RRP1B: variants seen among roughly 807,000 people sequenced by gnomAD.
RRP1B encodes the protein ribosomal RNA processing 1B.
A neutral mutation model predicts 80.2 loss-of-function variants in RRP1B; 56 were observed. That is an observed-to-expected ratio of 0.70 (90% CI 0.56 to 0.87). The LOEUF is 0.87. RRP1B is among the 40% of genes least tolerant of loss of function. The pLI, the probability that RRP1B is intolerant of heterozygous loss-of-function variation, is 0.00. For synonymous variants in RRP1B, 351 were observed against 357.6 expected, an observed-to-expected ratio of 0.98 and a Z score of 0.21; for missense variants, 807 against 939.8, an observed-to-expected ratio of 0.86 and a Z score of 1.85.
intron 1 of RRP1B, among the ~76,000 whole-genome samples, chr21:43,665,481 T>TTACTGAA (rs1431355959): frequency 1.3e-5 from 2 of 152,212 alleles, no homozygotes; most frequent in African/African-American, 2.4e-5. Flanking sequence ...GTGTTTTTAT[T>TTACTGAA]AGTTAGGACT....
At chr21:43,686,721 T>C (rs2083064522) in intron 11 of RRP1B, 83 bp from the exon 12 acceptor site, 2 of 1,506,136 alleles carry the variant, frequency 1.3e-6, no homozygotes, top group African/African-American at 1.4e-5. Flanking sequence ...GAGGCAGAAA[T>C]TGGGAGGGGT....
rs2083022598 is a variant in RRP1B at position 43,676,356 on chromosome 21, G to A, written c.614+20G>A. 5 of 1,588,754 alleles carry A rather than the reference G, an allele frequency of 3.1e-6. No homozygotes were observed. Among genetic ancestry groups the A allele is most frequent in the South Asian group, 2.2e-5 (2 of 90,104 alleles). On this transcript the variant is annotated intron_variant, in intron 7 of 15. Transcript: ENST00000340648. ...GAAGGAGTAAGTGATTCCCCTGTTCGTTCCTCCTGCTCCGTGGCATTTGCT... is the reference window on the plus strand; with the variant it reads ...GAAGGAGTAAGTGATTCCCCTGTTCATTCCTCCTGCTCCGTGGCATTTGCT...
At position 43,695,669 on chromosome 21, in the gene RRP1B, G is replaced by C. The variant is rs2083104536; in HGVS notation, c.*2286G>C. On this transcript the variant is annotated 3_prime_UTR_variant, in exon 16 of 16. Coordinates refer to ENST00000340648, the MANE Select transcript of RRP1B (RefSeq NM_015056.3). The stretch of plus-strand genomic sequence containing the variant: ...GAATACTGGTTTTCTATTTACGCAT[G>C]ATATTTTCCTAAGTAAAATTGCCAA... 1 of 152,192 alleles carries C rather than the reference G, an allele frequency of 6.6e-6. No homozygotes were observed. Among genetic ancestry groups the C allele is most frequent in the South Asian group, 2.1e-4 (1 of 4,832 alleles). 9.4% of individuals were successfully genotyped at this position (152,192 alleles called of 1,614,324 possible). A position where few individuals can be genotyped will look rare whatever the true frequency, so the allele number is the denominator to read the frequency against.
chr21:43,675,177 G>A lies in RRP1B; in HGVS notation c.549+14G>A, dbSNP rs370621505. On this transcript the variant is annotated intron_variant, in intron 6 of 15. Transcript: ENST00000340648. ...GGGGGGAAGGAGGTAAGCAGCTGCC[G>A]ACAGGCTGCCCACGGGGTGAGGGGG... 7.5e-5 allele frequency: 121 copies of A among 1,612,648 alleles called. 2 individuals are homozygous for A. The African/African-American group carries it at 1.1e-3, about 14-fold the overall frequency.
Position 43,684,615 on chromosome 21 carries a change from C to A in RRP1B, c.954C>A (p.His318Gln). The A allele has an allele frequency of 6.2e-7, 1 of 1,614,200 alleles. No individual in the cohort carries two copies. Among genetic ancestry groups the A allele is most frequent in the South Asian group, 1.1e-5 (1 of 91,078 alleles). ...LEMTSRKNTPHFNRKRLSKLI... is the reference protein window; with the variant it reads ...LEMTSRKNTPQFNRKRLSKLI... ...TGACCAGCAGGAAGAACACGCCCCA[C>A]TTCAACAGGAAGCGCCTCTCCAAAC... The change falls in exon 10 of 16, where the codon CAC (histidine) becomes CAA (glutamine). Residue 318 changes from histidine to glutamine, a missense_variant. Physicochemically the swap from His to Gln is conservative, Grantham distance 24 (BLOSUM62 0). Transcript: ENST00000340648.
At chr21:43,676,710 C>T (rs1336450253) in intron 7 of RRP1B, 23 bp from the exon 8 acceptor site, 2 of 1,606,510 alleles carry the variant, frequency 1.2e-6, no homozygotes, top group Non-Finnish European at 1.7e-6. Context: ...ATCACATGCT[C>T]TCCGCTGTGC....
chr21:43,663,312 C>A (rs2082965368), intron 1 of RRP1B, among the ~76,000 whole-genome samples: 1 of 152,194 alleles, frequency 6.6e-6, no homozygotes, highest in Admixed American at 6.5e-5. Flanking sequence ...TTCACCCAGG[C>A]TGAAGTGCAA....
In RRP1B at chr21:43,693,842, A is replaced by C. The variant is rs2083096799; in HGVS notation, c.*459A>C. On this transcript the variant is annotated 3_prime_UTR_variant, in exon 16 of 16. Coordinates refer to ENST00000340648, the MANE Select transcript of RRP1B (RefSeq NM_015056.3). The surrounding 1 kb of genome is among the most constrained non-coding windows in gnomAD (Gnocchi z 4.1). Reference sequence around the variant, plus strand: ...TAGTCTTAACAGTCTGTTTTCTTTTAAAAGCATGTAGGGCTTCATTGCCAT... The same window carrying C: ...TAGTCTTAACAGTCTGTTTTCTTTTCAAAGCATGTAGGGCTTCATTGCCAT... The C allele has an allele frequency of 6.5e-6, 1 of 154,158 alleles. No homozygotes were observed. Among genetic ancestry groups the C allele is most frequent in the Non-Finnish European group, 1.4e-5 (1 of 69,554 alleles). The allele number at this position is 154,158 out of a possible 1,614,324, so 9.5% of individuals were successfully genotyped here. A position where few individuals can be genotyped will look rare whatever the true frequency, so the allele number is the denominator to read the frequency against.
chr21:43,690,899 G>A (rs1392676362), intron 14 of RRP1B, among the ~76,000 whole-genome samples: 2 of 152,188 alleles, frequency 1.3e-5, no homozygotes, highest in Admixed American at 6.5e-5. Flanking sequence ...TATGCAGATA[G>A]CTCAGAGTCC....
Position 43,687,732 on chromosome 21 carries a change from G to A in RRP1B, c.1358G>A (p.Ser453Asn). 6.2e-7 allele frequency: 1 copy of A among 1,613,172 alleles called. No individual in the cohort carries two copies. The highest frequency in any genetic ancestry group is 1.3e-5 in the African/African-American group (1 of 75,068). The stretch of plus-strand genomic sequence containing the variant: ...GAGCCAGGTGCAGAGGCCACGTCCA[G>A]CACTGGGGAGGAGAGTGGCTCCGAG... ...VAEPGAEATSSTGEESGSEHP... is the reference protein window; with the variant it reads ...VAEPGAEATSNTGEESGSEHP... The change falls in exon 13 of 16, where the codon AGC becomes AAC. Residue 453 changes from serine (S) to asparagine (N), a missense_variant. Transcript: ENST00000340648.
chr21:43,681,940 C>T (rs1472386124), intron 8 of RRP1B, among the ~76,000 whole-genome samples: 2 of 152,078 alleles, frequency 1.3e-5, no homozygotes, highest in East Asian at 3.9e-4. Flanking sequence ...AACAGAGCTA[C>T]CAGCGACCCT....
intron 13 of RRP1B, among the ~76,000 whole-genome samples, 198 bp downstream of exon 13, chr21:43,688,438 C>T (rs1291023460): frequency 1.3e-5 from 2 of 152,260 alleles, no homozygotes. Context: ...TCCTCCTCAT[C>T]GGCCACCTTC....
At chr21:43,670,418 C>T (rs985237388) in intron 2 of RRP1B, among the ~76,000 whole-genome samples, 2 of 152,248 alleles carry the variant, frequency 1.3e-5, no homozygotes, top group East Asian at 1.9e-4. Context: ...AAGCCGAGTG[C>T]GCCTGCGCAG....
chr21:43,688,536 G>A (rs779241426), intron 13 of RRP1B, among the ~76,000 whole-genome samples: 30 of 152,210 alleles, frequency 2.0e-4, no homozygotes, highest in Non-Finnish European at 3.2e-4. Flanking sequence ...TGCCCCAGGC[G>A]TGTTCAGGCC....
At chr21:43,689,740 C>G (rs986443421) in intron 13 of RRP1B, among the ~76,000 whole-genome samples, 1 of 152,280 alleles carries the variant, frequency 6.6e-6, no homozygotes, top group African/African-American at 2.4e-5. Context: ...TCCCTGCCCT[C>G]CAGGCGGCAC....
intron 8 of RRP1B, among the ~76,000 whole-genome samples, chr21:43,679,153 A>G (rs557953675): frequency 2.6e-5 from 4 of 151,426 alleles, no homozygotes; most frequent in African/African-American, 9.7e-5. Context: ...TATGGTGACT[A>G]TGGCTTTATA....
chr21:43,691,619 GC>G lies in RRP1B; in HGVS notation c.2083+120del. 1.4e-6 allele frequency: 1 copy of G among 718,826 alleles called. No individual in the cohort carries two copies. The highest frequency in any genetic ancestry group is 2.3e-6 in the Non-Finnish European group (1 of 426,972). The allele number at this position is 718,826 out of a possible 1,614,324, so 44.5% of individuals were successfully genotyped here. Reference sequence around the variant, plus strand: ...AAGAGGGGGGTCCTAGCTCCTCACTGCCCATTTCTTTATTTTTATTTTTTTT... The same window carrying G: ...AAGAGGGGGGTCCTAGCTCCTCACTGCCATTTCTTTATTTTTATTTTTTTT... On this transcript the variant is annotated intron_variant, in intron 15 of 15. Coordinates refer to ENST00000340648, the MANE Select transcript of RRP1B (RefSeq NM_015056.3). The surrounding 1 kb of genome is among the most constrained non-coding windows in gnomAD (Gnocchi z 4.2).
chr21:43,669,643 T>C (rs2082991618), intron 1 of RRP1B, among the ~76,000 whole-genome samples: 4 of 152,158 alleles, frequency 2.6e-5, no homozygotes, highest in Admixed American at 2.0e-4. Flanking sequence ...GTGATGACAT[T>C]TGCTTCCTCA....
In RRP1B at chr21:43,691,415, G is replaced by C. The variant is rs112725547; in HGVS notation, c.2020-24G>C. ...CCACTGCACTTGCGTCACTCCTTTTGTTCCTGTTATTTCTCTTCTGCAGCT... is the reference window on the plus strand; with the variant it reads ...CCACTGCACTTGCGTCACTCCTTTTCTTCCTGTTATTTCTCTTCTGCAGCT... On this transcript the variant is annotated intron_variant, in intron 14 of 15. Coordinates refer to ENST00000340648, the MANE Select transcript of RRP1B (RefSeq NM_015056.3). The surrounding 1 kb of genome is among the most constrained non-coding windows in gnomAD (Gnocchi z 4.2). 35 of 1,612,950 alleles carry C rather than the reference G, an allele frequency of 2.2e-5. No individual in the cohort carries two copies. Among genetic ancestry groups the C allele is most frequent in the African/African-American group, 2.7e-5 (2 of 75,040 alleles).
Sources: gnomAD v4.1 joint callset for allele counts (sites outside exome capture counted in the v4.1 genomes callset) on GRCh38, gnomAD v4.1.1 for gene constraint, Gnocchi (gnomAD v3.1) non-coding constraint, MANE v1.5 for transcripts, NCBI Gene and HGNC (gene_info 2026-07-23, HGNC 2026-07-21) for gene names.